Variants in PRELID2 observed in about 807,000 individuals in gnomAD.
PRELID2 encodes PRELI domain containing 2.
Under a neutral mutation model 28.4 loss-of-function variants are expected in PRELID2, and 25 were observed. The ratio of observed to expected loss-of-function variants is 0.88; its 90% CI spans 0.64 to 1.23. PRELID2 has a LOEUF of 1.23. PRELID2 is among the 50% of genes most tolerant of loss of function. PRELID2 has a pLI of 0.00. For synonymous variants in PRELID2, 76 were observed against 71.6 expected (o/e 1.06, Z -0.31); for missense variants, 201 against 214.4 (o/e 0.94, Z 0.39).
chr5:145,640,427 G>A (rs1252595802), intron 1 of PRELID2, among the ~76,000 whole-genome samples: 2 of 146,624 alleles, frequency 1.4e-5, no homozygotes, highest in Non-Finnish European at 3.0e-5. Flanking sequence ...AGTGAGCCGA[G>A]ATCGCGCCAC....
At chr5:145,496,911 G>A (rs541195039) in intron 1 of PRELID2, among the ~76,000 whole-genome samples, 1 of 152,012 alleles carries the variant, frequency 6.6e-6, no homozygotes, top group Non-Finnish European at 1.5e-5. Context: ...TGCCTGAGCT[G>A]GAGTACAGTG....
chr5:145,358,099 G>C, the PRELID2 span, among the ~76,000 whole-genome samples: 1 of 152,126 alleles, frequency 6.6e-6, no homozygotes, highest in Admixed American at 6.5e-5. Flanking sequence ...CTTCAGGCAA[G>C]GGCTGCAGTT....
At chr5:145,538,374 CT>C (rs913611041) in intron 1 of PRELID2, among the ~76,000 whole-genome samples, 10 of 151,828 alleles carry the variant, frequency 6.6e-5, no homozygotes, top group African/African-American at 2.4e-4. Flanking sequence ...AAAAAAATCT[CT>C]GTGAAGAATA....
the PRELID2 span, among the ~76,000 whole-genome samples, chr5:145,257,499 T>C: frequency 6.6e-6 from 1 of 152,050 alleles, no homozygotes; most frequent in Admixed American, 6.6e-5. Context: ...AGAATCCACA[T>C]ATAAACAAAT....
At chr5:145,749,465 T>C (rs919360822) in intron 1 of PRELID2, among the ~76,000 whole-genome samples, 3 of 151,974 alleles carry the variant, frequency 2.0e-5, no homozygotes, top group Admixed American at 1.3e-4. Context: ...CAAGAAACAA[T>C]AGATGCTGGT....
intron 1 of PRELID2, among the ~76,000 whole-genome samples, chr5:145,646,131 C>G (rs1186096585): frequency 6.6e-6 from 1 of 152,172 alleles, no homozygotes; most frequent in African/African-American, 2.4e-5. Context: ...GAGCATTTTC[C>G]AACTTGGTTC....
intron 1 of PRELID2, among the ~76,000 whole-genome samples, chr5:145,710,715 C>G (rs1755670078): frequency 1.3e-5 from 2 of 152,204 alleles, no homozygotes; most frequent in African/African-American, 4.8e-5. Context: ...ACTGCCTGGT[C>G]CAAAATGTCG....
the PRELID2 span, among the ~76,000 whole-genome samples, chr5:145,376,881 A>G: frequency 6.6e-6 from 1 of 151,414 alleles, no homozygotes; most frequent in East Asian, 1.9e-4. Flanking sequence ...TTCTCCCTTC[A>G]TCTCTTTTAG....
chr5:145,229,552 G>A, the PRELID2 span: 1 of 1,475,956 alleles, frequency 6.8e-7, no homozygotes, highest in Admixed American at 1.7e-5. Flanking sequence ...CCACCCACCA[G>A]ACCTCCTTGG....
intron 1 of PRELID2, among the ~76,000 whole-genome samples, chr5:145,474,132 C>T (rs1451187106): frequency 1.3e-5 from 2 of 152,190 alleles, no homozygotes; most frequent in African/African-American, 2.4e-5. Context: ...GGATGTGATT[C>T]CAATACCTGT....
chr5:145,430,639 A>G, the PRELID2 span, among the ~76,000 whole-genome samples: 1 of 152,006 alleles, frequency 6.6e-6, no homozygotes, highest in Non-Finnish European at 1.5e-5. Flanking sequence ...TCATGGTACC[A>G]TTTCTTTATG....
At chr5:145,616,974 C>T (rs58450139) in intron 1 of PRELID2, among the ~76,000 whole-genome samples, 6,790 of 151,722 alleles carry the variant, frequency 0.045, 478 homozygotes, top group African/African-American at 0.15. Flanking sequence ...GGGATGCATT[C>T]GCTTTCTCAG....
intron 1 of PRELID2, among the ~76,000 whole-genome samples, chr5:145,739,558 A>C (rs6580384): frequency 0.82 from 124,055 of 151,738 alleles, 51,135 homozygotes; most frequent in East Asian, 0.88. Context: ...ATAAAGTAAG[A>C]AAAATATAAA....
intron 1 of PRELID2, among the ~76,000 whole-genome samples, chr5:145,534,584 T>C (rs1431362248): frequency 1.3e-5 from 2 of 152,000 alleles, no homozygotes; most frequent in East Asian, 3.9e-4. Flanking sequence ...ACCAGTAAAC[T>C]ACTAAGCCTG....
At chr5:145,644,122 G>A (rs1345883882) in intron 1 of PRELID2, among the ~76,000 whole-genome samples, 3 of 152,086 alleles carry the variant, frequency 2.0e-5, no homozygotes, top group Non-Finnish European at 2.9e-5. Context: ...GGTAGAATTC[G>A]GCTGTGAATC....
At chr5:145,518,692 T>C (rs1456345393) in intron 1 of PRELID2, among the ~76,000 whole-genome samples, 1 of 152,224 alleles carries the variant, frequency 6.6e-6, no homozygotes, top group Non-Finnish European at 1.5e-5. Flanking sequence ...GAATTTCCTA[T>C]ACCAGTTGTT....
At chr5:145,573,812 G>A (rs1044479600) in intron 1 of PRELID2, among the ~76,000 whole-genome samples, 10 of 152,236 alleles carry the variant, frequency 6.6e-5, no homozygotes, top group Non-Finnish European at 1.5e-4. Flanking sequence ...ATAAACATAC[G>A]TAGCATCTTC....
downstream of PRELID2, among the ~76,000 whole-genome samples, chr5:145,752,442 G>A (rs1757148538): frequency 6.6e-6 from 1 of 152,134 alleles, no homozygotes; most frequent in African/African-American, 2.4e-5. Flanking sequence ...GATTTTTAAG[G>A]TCTTTATGTC....
At chr5:145,483,479 A>G (rs1017323035) in intron 1 of PRELID2, among the ~76,000 whole-genome samples, 7 of 152,220 alleles carry the variant, frequency 4.6e-5, no homozygotes, top group Admixed American at 3.9e-4. Flanking sequence ...AGCCTAGTCT[A>G]GTCCAGACCA....
Sources: allele counts gnomAD v4.1 joint callset (sites outside exome capture counted in the v4.1 genomes callset), GRCh38; gene constraint gnomAD v4.1.1; transcripts MANE v1.5; gene names NCBI Gene and HGNC (gene_info 2026-07-23, HGNC 2026-07-21).